Variants in MCF2 observed in about 807,000 individuals in gnomAD.
MCF2 encodes MCF.2 cell line derived transforming sequence, also known as proto-oncogene DBL.
MCF2 carries 44 observed loss-of-function variants against 82.5 expected under a neutral mutation model. That is an observed-to-expected ratio of 0.53 (90% CI 0.42 to 0.69). The LOEUF is 0.69. MCF2 is among the 30% of genes least tolerant of loss of function. The probability of loss-of-function intolerance (pLI) is 0.00; values close to 1 mark genes in which losing one functional copy is unlikely to be tolerated. For missense variants in MCF2, 623 were observed against 663.1 expected (o/e 0.94, Z 0.66); for synonymous variants, 217 against 224.9 (o/e 0.96, Z 0.32).
chrX:139,706,352 C>T (rs923989357), intron 1 of MCF2, among the ~76,000 whole-genome samples: 13 of 112,095 alleles, frequency 1.2e-4, no homozygotes, highest in African/African-American at 4.2e-4. Flanking sequence ...AGAAAATGTG[C>T]TACATATACA....
At chrX:139,672,813 GA>G (rs1331269263) in intron 1 of MCF2, among the ~76,000 whole-genome samples, 1 of 111,845 alleles carries the variant, frequency 8.9e-6, no homozygotes, top group Non-Finnish European at 1.9e-5. Context: ...TTGGTATCAG[GA>G]TGATGCTGGC....
At chrX:139,590,754 C>T (rs1456645788) in intron 19 of MCF2, among the ~76,000 whole-genome samples, 2 of 110,588 alleles carry the variant, frequency 1.8e-5, no homozygotes. Flanking sequence ...AAAGGAGTAT[C>T]TCACTCTCTG....
chrX:139,628,673 C>G (rs1249969848), intron 4 of MCF2, among the ~76,000 whole-genome samples: 1 of 111,877 alleles, frequency 8.9e-6, no homozygotes, highest in African/African-American at 3.3e-5. Flanking sequence ...ACACATATCT[C>G]TATATACAGC....
At chrX:139,694,014 G>C (rs773899458) in intron 1 of MCF2, among the ~76,000 whole-genome samples, 10 of 112,079 alleles carry the variant, frequency 8.9e-5, no homozygotes, top group Non-Finnish European at 1.9e-4. Flanking sequence ...GATTGGGAAG[G>C]ATACAAACTG....
chrX:139,659,779 G>A (rs1450425965), intron 1 of MCF2, among the ~76,000 whole-genome samples: 1 of 112,093 alleles, frequency 8.9e-6, no homozygotes, highest in Non-Finnish European at 1.9e-5. Context: ...GGAAATGTCA[G>A]CCAGAAAGAT....
chrX:139,668,858 A>C (rs1703080429), intron 1 of MCF2, among the ~76,000 whole-genome samples: 1 of 111,053 alleles, frequency 9.0e-6, no homozygotes, highest in Non-Finnish European at 1.9e-5. Context: ...GGATATCTAC[A>C]TATGTCATAT....
intron 15 of MCF2, among the ~76,000 whole-genome samples, chrX:139,603,631 C>A (rs999601700): frequency 9.0e-6 from 1 of 111,613 alleles, no homozygotes; most frequent in Non-Finnish European, 1.9e-5. Context: ...GTCAGGAGAT[C>A]GAGACCATCC....
In MCF2 at chrX:139,595,391, G is replaced by A. The variant is rs1051324509; in HGVS notation, c.2277+1158C>T. Among the ~76,000 whole-genome samples, 11 of 109,557 alleles carry A rather than the reference G, an allele frequency of 1.0e-4. No individual in the cohort carries two copies. The South Asian group carries it at 2.0e-3, about 20-fold the overall frequency. ...GCACATATACACCATGGAATACTATGCAGCCATAAAATATGATGAGTTCAT... is the reference window on the plus strand; with the variant it reads ...GCACATATACACCATGGAATACTATACAGCCATAAAATATGATGAGTTCAT... On this transcript the variant is annotated intron_variant, in intron 19 of 24. Coordinates refer to ENST00000370576, the Ensembl canonical transcript of MCF2.
chrX:139,612,366 C>A (rs780797804), intron 10 of MCF2, among the ~76,000 whole-genome samples: 2 of 110,624 alleles, frequency 1.8e-5, no homozygotes, highest in Admixed American at 9.7e-5. Context: ...AAGATCTAGG[C>A]TAAAGATCCA....
intron 19 of MCF2, among the ~76,000 whole-genome samples, chrX:139,595,552 G>A (rs1302062615): frequency 1.2e-5 from 1 of 82,280 alleles, no homozygotes; most frequent in Admixed American, 1.7e-4. Flanking sequence ...ACAGGAAGGG[G>A]AACATCACAC....
chrX:139,651,741 G>C (rs1934024843), exon 2 of MCF2: 6 of 1,161,790 alleles, frequency 5.2e-6, no homozygotes, highest in Non-Finnish European at 5.8e-6. Context: ...GCGATGTCTT[G>C]CATTAAGAAA....
At chrX:139,697,563 A>G (rs1935407373) in intron 1 of MCF2, among the ~76,000 whole-genome samples, 1 of 112,054 alleles carries the variant, frequency 8.9e-6, no homozygotes, top group Admixed American at 9.5e-5. Flanking sequence ...ATGTATGTAA[A>G]AATCCTGAAA....
At chrX:139,586,818 T>C (rs900476072) in intron 22 of MCF2, among the ~76,000 whole-genome samples, 2 of 111,560 alleles carry the variant, frequency 1.8e-5, no homozygotes, top group South Asian at 3.8e-4. Context: ...TAAATGAAGA[T>C]GAAACCTTCA....
At chrX:139,684,071 C>T (rs960974019) in intron 1 of MCF2, among the ~76,000 whole-genome samples, 1 of 112,445 alleles carries the variant, frequency 8.9e-6, no homozygotes, top group South Asian at 3.7e-4. Context: ...AATATTTGCA[C>T]ATTAAATGTC....
At chrX:139,658,774 C>A (rs1021151307) in intron 1 of MCF2, among the ~76,000 whole-genome samples, 10 of 103,557 alleles carry the variant, frequency 9.7e-5, no homozygotes, top group Admixed American at 2.1e-4. Context: ...CTCCTGGGCT[C>A]AACCCATGCT....
intron 1 of MCF2, among the ~76,000 whole-genome samples, chrX:139,683,235 TA>T (rs1173776217): frequency 8.9e-6 from 1 of 112,972 alleles, no homozygotes; most frequent in East Asian, 2.8e-4. Flanking sequence ...CGCCCAGCCA[TA>T]AACTTTGTAA....
chrX:139,683,014 T>C (rs2148566258), intron 1 of MCF2, among the ~76,000 whole-genome samples: 1 of 111,784 alleles, frequency 8.9e-6, no homozygotes, highest in East Asian at 2.8e-4. Context: ...ACTGCAGTCT[T>C]GACATCCTGG....
At position 139,585,061 on chromosome X, in the gene MCF2, C is replaced by T; in HGVS notation, c.2745+5G>A. On this transcript the variant is annotated splice_donor_5th_base_variant and intron_variant, in intron 24 of 24. Transcript: ENST00000370576. ...ATAATTTTAATTTACTATATTATTA[C>T]TAACCATGAGGGGCCTATTTTCTTC... The T allele has an allele frequency of 2.6e-6, 3 of 1,143,009 alleles. No individual in the cohort carries two copies. The highest frequency in any genetic ancestry group is 3.6e-6 in the Non-Finnish European group (3 of 840,838). The allele number at this position is 1,143,009 out of a possible 1,213,427, so 94.2% of individuals were successfully genotyped here.
intron 24 of MCF2, among the ~76,000 whole-genome samples, 194 bp downstream of exon 28, chrX:139,584,872 A>G (rs771975166): frequency 9.8e-5 from 11 of 111,803 alleles, no homozygotes; most frequent in Admixed American, 9.5e-4. Context: ...AGCTCTATGT[A>G]TAGGTCAAAC....
Sources: allele counts gnomAD v4.1 joint callset (sites outside exome capture counted in the v4.1 genomes callset), GRCh38; gene constraint gnomAD v4.1.1; transcripts MANE v1.5; gene names NCBI Gene and HGNC (gene_info 2026-07-23, HGNC 2026-07-21).